NAV2: variants seen among roughly 807,000 people sequenced by gnomAD.
NAV2 encodes helicase, APC down-regulated 1.
Under a neutral mutation model 223.2 loss-of-function variants are expected in NAV2, and 54 were observed. That is an observed-to-expected ratio of 0.24 (90% confidence interval 0.19 to 0.30). The LOEUF is 0.30. Among genes scored for constraint, NAV2 ranks in the 10% least tolerant of loss-of-function variants. The pLI is 1.00. For missense variants in NAV2, 2,806 were observed against 3,147.5 expected, an observed-to-expected ratio of 0.89 and a Z score of 2.60; for synonymous variants, 1,279 against 1,239.3, an observed-to-expected ratio of 1.03 and a Z score of -0.67.
chr11:19,659,838 A>T (rs1371732985), intron 1 of NAV2, among the ~76,000 whole-genome samples: 2 of 152,204 alleles, frequency 1.3e-5, no homozygotes, highest in Admixed American at 6.5e-5. Context: ...CTCCATCAGT[A>T]AAATGGAGAT....
In NAV2 at chr11:20,062,310, A is replaced by G; in HGVS notation, c.4835A>G (p.His1612Arg). 1.2e-6 allele frequency: 2 copies of G among 1,608,862 alleles called. No individual in the cohort carries two copies. Among genetic ancestry groups the G allele is most frequent in the East Asian group, 2.2e-5 (1 of 44,798 alleles). The change falls in exon 20 of 38, where the codon CAT (histidine) becomes CGT (arginine). Residue 1612 changes from histidine to arginine, a missense_variant. His to Arg is a conservative substitution (Grantham distance 29, BLOSUM62 0). Coordinates refer to ENST00000349880, the MANE Select transcript of NAV2 (RefSeq NM_145117.5). Reference sequence around the variant, plus strand: ...CCTTTTTTTTTTCTTTTAATAGTTCATGGATCCTCACTCTCCTTGGTTTCC... The same window carrying G: ...CCTTTTTTTTTTCTTTTAATAGTTCGTGGATCCTCACTCTCCTTGGTTTCC... The part of the protein sequence containing the change: ...GSFRDGFEEV[H>R]GSSLSLVSST...
At chr11:19,869,027 C>T in intron 4 of NAV2, 30 bp downstream of exon 4, 11 of 1,604,814 alleles carry the variant, frequency 6.9e-6, no homozygotes, top group Non-Finnish European at 9.4e-6. Context: ...ACGAAGCTGC[C>T]TCTTCATCAT....
chr11:19,922,054 T>C (rs1658126880), intron 6 of NAV2, among the ~76,000 whole-genome samples: 1 of 152,138 alleles, frequency 6.6e-6, no homozygotes, highest in South Asian at 2.1e-4. Context: ...ACAGGCTGAC[T>C]CAATTCCCCT....
chr11:19,585,423 G>T (rs1371715630), intron 1 of NAV2, among the ~76,000 whole-genome samples: 1 of 152,184 alleles, frequency 6.6e-6, no homozygotes, highest in Admixed American at 6.5e-5. Flanking sequence ...CTGTCATTAT[G>T]ATATTAGCTG....
intron 11 of NAV2, among the ~76,000 whole-genome samples, chr11:19,999,634 G>A (rs191554207): frequency 6.6e-6 from 1 of 152,182 alleles, no homozygotes; most frequent in Non-Finnish European, 1.5e-5. Context: ...GCCTCCCAAA[G>A]TGCTGGGATT....
rs2059869165 is a variant in NAV2, at chr11:20,078,023, A to T, written c.5098A>T (p.Ile1700Phe). Residue 1700 changes from isoleucine (I) to phenylalanine (F), a missense_variant, in exon 24 of 38, where the codon ATT becomes TTT. By Grantham distance (21) the Ile-to-Phe change is conservative (BLOSUM62 0). Around this residue, in one of 4 missense-constraint regions of NAV2, gnomAD observed 824 missense variants for 1,069.4 expected, o/e 0.77. Coordinates refer to ENST00000349880, the MANE Select transcript of NAV2 (RefSeq NM_145117.5). ...AGAACTGAATGAGTTAAGAAAAACCATTGAGCTGCTAAAGAAACAGAACGC... is the reference window on the plus strand; with the variant it reads ...AGAACTGAATGAGTTAAGAAAAACCTTTGAGCTGCTAAAGAAACAGAACGC... ...DSELNELRKT[I>F]ELLKKQNAAA... The T allele has an allele frequency of 1.2e-6, 2 of 1,613,412 alleles. No individual in the cohort carries two copies. The highest frequency in any genetic ancestry group is 1.7e-6 in the Non-Finnish European group (2 of 1,179,842).
intron 12 of NAV2, among the ~76,000 whole-genome samples, chr11:20,039,439 C>G (rs1273530129): frequency 6.6e-6 from 1 of 152,096 alleles, no homozygotes; most frequent in Non-Finnish European, 1.5e-5. Flanking sequence ...CTCCCTTCCT[C>G]CCTCCTCTCC....
At chr11:20,037,611 T>C (rs1188411148) in intron 12 of NAV2, among the ~76,000 whole-genome samples, 6 of 152,206 alleles carry the variant, frequency 3.9e-5, no homozygotes, top group African/African-American at 1.4e-4. Flanking sequence ...GGGCCATGGG[T>C]AATGCTCTGT....
At position 19,656,449 on chromosome 11, in the gene NAV2, G is replaced by A. The variant is rs138332868; in HGVS notation, c.76-176035G>A. Among the ~76,000 whole-genome samples, 538 of 152,350 alleles carry A rather than the reference G, an allele frequency of 3.5e-3. 1 individual carries two copies. Among genetic ancestry groups the A allele is most frequent in the Non-Finnish European group, 5.1e-3 (346 of 68,040 alleles). ...AGAAAGAAGGCCATTGTGGTGAAAT[G>A]CCGTGAGTGAGGGGGGAGAGGCACA... On this transcript the variant is annotated intron_variant, in intron 1 of 37. Coordinates refer to the NAV2 transcript ENST00000360655.
chr11:19,884,318 A>C, intron 5 of NAV2: 3 of 1,614,066 alleles, frequency 1.9e-6, no homozygotes, highest in Non-Finnish European at 2.5e-6. Context: ...ACTCATCTCA[A>C]AGCAAAATCA....
At chr11:19,391,155 G>A (rs529866422) in intron 1 of NAV2, among the ~76,000 whole-genome samples, 71 of 152,100 alleles carry the variant, frequency 4.7e-4, no homozygotes, top group African/African-American at 1.6e-3. Context: ...CTGCTGCCCC[G>A]GTCTCTCATT....
chr11:19,438,833 G>A (rs564511075), intron 1 of NAV2, among the ~76,000 whole-genome samples: 7 of 152,068 alleles, frequency 4.6e-5, no homozygotes. Context: ...CCTGGCATGT[G>A]GATGCATTCC....
chr11:20,029,484 T>G (rs1224544845), intron 11 of NAV2, among the ~76,000 whole-genome samples: 2 of 152,256 alleles, frequency 1.3e-5, no homozygotes, highest in Admixed American at 1.3e-4. Flanking sequence ...AAATGATGTT[T>G]GGAACCAGTG....
chr11:19,997,696 G>A (rs2052047462), intron 11 of NAV2, among the ~76,000 whole-genome samples: 1 of 152,092 alleles, frequency 6.6e-6, no homozygotes, highest in South Asian at 2.1e-4. Flanking sequence ...TCTAACTTAG[G>A]GCTGTCTGGC....
intron 5 of NAV2, among the ~76,000 whole-genome samples, chr11:19,888,525 C>T (rs115347925): frequency 1.6e-3 from 238 of 152,306 alleles, no homozygotes; most frequent in African/African-American, 5.3e-3. Flanking sequence ...CCAGAGGCCT[C>T]GGCTCTGTAC....
rs534883881 is a variant in NAV2, at chr11:19,400,981, C to A, written c.75+49954C>A. On this transcript the variant is annotated intron_variant, in intron 1 of 37. Transcript: ENST00000360655. The stretch of plus-strand genomic sequence containing the variant: ...GCTTTTTAGCATTTGGTGTCAAAAG[C>A]TGAAGGTCGTCAAAACATTGGCTCC... Among the ~76,000 whole-genome samples, 7 of 152,184 alleles carry A rather than the reference C, an allele frequency of 4.6e-5. No individual in the cohort carries two copies. The South Asian group carries it at 1.5e-3, about 32-fold the overall frequency.
At chr11:19,350,609 T>G (rs1377651362), upstream of NAV2, 10 of 304,444 alleles carry the variant, frequency 3.3e-5, no homozygotes, top group East Asian at 6.4e-4. Context: ...GGAAAGGGTT[T>G]CTGGGGCAGT....
intron 10 of NAV2, among the ~76,000 whole-genome samples, chr11:19,982,736 T>G (rs575348658): frequency 6.6e-5 from 10 of 152,284 alleles, no homozygotes; most frequent in African/African-American, 2.4e-4. Context: ...TCACATGAGA[T>G]AACTCCAGTG....
At chr11:20,049,730 A>T in intron 15 of NAV2, 106 bp from the exon 16 acceptor site, 1 of 1,076,788 alleles carries the variant, frequency 9.3e-7, no homozygotes, top group East Asian at 2.4e-5. Flanking sequence ...TATAGGGAAG[A>T]AAGCGAGGAT....
Sources: gnomAD v4.1 joint callset for allele counts (sites outside exome capture counted in the v4.1 genomes callset) on GRCh38, gnomAD v4.1.1 for gene constraint, gnomAD v4.1.1 regional missense constraint, MANE v1.5 for transcripts, NCBI Gene and HGNC (gene_info 2026-07-23, HGNC 2026-07-21) for gene names.